MREG: variants seen among roughly 807,000 people sequenced by gnomAD.
MREG encodes the protein dilute suppressor protein homolog.
A neutral mutation model predicts 28.5 loss-of-function variants in MREG; 31 were observed. The observed-to-expected ratio is 1.09, with a 90% CI of 0.82 to 1.47. The LOEUF (loss-of-function observed/expected upper bound fraction) is 1.47. Ranked by LOEUF, MREG falls within the 40% of genes most tolerant of loss-of-function variation. The pLI is 0.00. For missense variants in MREG, 256 were observed against 257.4 expected (o/e 0.99, Z 0.04); for synonymous variants, 106 against 95.2 (o/e 1.11, Z -0.66).
At chr2:215,954,721 GAGA>G (rs980895657) in intron 2 of MREG, among the ~76,000 whole-genome samples, 2 of 147,910 alleles carry the variant, frequency 1.4e-5, no homozygotes, top group African/African-American at 2.5e-5. Context: ...TTTTTTTTTA[GAGA>G]AGGAGTTTCA....
intron 2 of MREG, among the ~76,000 whole-genome samples, chr2:215,973,284 T>G (rs1398287049): frequency 6.6e-6 from 1 of 152,202 alleles, no homozygotes; most frequent in Non-Finnish European, 1.5e-5. Flanking sequence ...AGCAAAGAGA[T>G]AACGGCTCAA....
chr2:216,024,793 G>T (rs1306461838), intron 1 of MREG, among the ~76,000 whole-genome samples: 1 of 150,974 alleles, frequency 6.6e-6, no homozygotes, highest in Non-Finnish European at 1.5e-5. Context: ...CGAGGCAGAA[G>T]AATTGCTTGA....
intron 2 of MREG, among the ~76,000 whole-genome samples, chr2:215,954,078 C>A (rs1692553765): frequency 6.6e-6 from 1 of 152,102 alleles, no homozygotes; most frequent in African/African-American, 2.4e-5. Context: ...ATGGTGCCTC[C>A]CCTGAATTCT....
intron 2 of MREG, among the ~76,000 whole-genome samples, chr2:215,962,352 G>C (rs926018296): frequency 6.6e-6 from 1 of 152,134 alleles, no homozygotes; most frequent in African/African-American, 2.4e-5. Context: ...TACAGTTTAG[G>C]GTTAAAAGAG....
intron 2 of MREG, among the ~76,000 whole-genome samples, chr2:215,967,945 C>G (rs142075652): frequency 8.5e-5 from 13 of 152,288 alleles, no homozygotes; most frequent in African/African-American, 2.4e-4. Flanking sequence ...GCATCTTCCT[C>G]AAAGGGCATG....
chr2:215,994,859 A>G (rs981642039), intron 2 of MREG, among the ~76,000 whole-genome samples: 2 of 152,080 alleles, frequency 1.3e-5, no homozygotes, highest in African/African-American at 4.8e-5. Context: ...CCCCTTTCAC[A>G]TTTGCATGGG....
At chr2:216,007,995 A>G (rs1290935007) in intron 1 of MREG, among the ~76,000 whole-genome samples, 2 of 152,122 alleles carry the variant, frequency 1.3e-5, no homozygotes, top group Non-Finnish European at 2.9e-5. Flanking sequence ...GGCTCACAGG[A>G]ACCTAACTCT....
chr2:216,019,507 CTTT>C (rs373116320), intron 1 of MREG, among the ~76,000 whole-genome samples: 2 of 141,172 alleles, frequency 1.4e-5, no homozygotes, highest in Non-Finnish European at 1.6e-5. Flanking sequence ...ATTTTCAAAC[CTTT>C]TTTTTTTTTT....
intron 1 of MREG, among the ~76,000 whole-genome samples, chr2:215,999,417 G>A (rs1693953604): frequency 6.6e-6 from 1 of 152,116 alleles, no homozygotes; most frequent in South Asian, 2.1e-4. Context: ...CTGGTGTCAG[G>A]GGGCCTTGGG....
chr2:216,031,447 G>A (rs142464940), intron 1 of MREG, among the ~76,000 whole-genome samples: 2,990 of 94,120 alleles, frequency 0.032, 128 homozygotes, highest in African/African-American at 0.11. Flanking sequence ...GAAAGAAAAA[G>A]AAAGAAAGAG....
At chr2:215,983,818 A>G (rs1363182756) in intron 2 of MREG, among the ~76,000 whole-genome samples, 2 of 152,232 alleles carry the variant, frequency 1.3e-5, no homozygotes, top group African/African-American at 2.4e-5. Flanking sequence ...GCAGGCAGAC[A>G]CATGTCATGA....
chr2:216,000,752 A>C (rs1693995444), intron 1 of MREG, among the ~76,000 whole-genome samples: 1 of 152,216 alleles, frequency 6.6e-6, no homozygotes, highest in South Asian at 2.1e-4. Flanking sequence ...CTGTGATCCC[A>C]ATCTGCTGAA....
At chr2:215,981,511 A>T (rs181411837) in intron 2 of MREG, among the ~76,000 whole-genome samples, 1 of 152,222 alleles carries the variant, frequency 6.6e-6, no homozygotes, top group African/African-American at 2.4e-5. Context: ...GTTATTGTCT[A>T]GTGGGCACAG....
chr2:215,971,279 A>T (rs1693088433), intron 2 of MREG, among the ~76,000 whole-genome samples: 1 of 152,208 alleles, frequency 6.6e-6, no homozygotes, highest in Non-Finnish European at 1.5e-5. Flanking sequence ...CACATTCTGC[A>T]CATGCATCCC....
chr2:216,023,267 G>C (rs1694551912), intron 1 of MREG, among the ~76,000 whole-genome samples: 1 of 152,204 alleles, frequency 6.6e-6, no homozygotes, highest in Non-Finnish European at 1.5e-5. Flanking sequence ...ATTCACTGCA[G>C]TCTCTTTGGA....
At chr2:215,981,300 C>T (rs909917225) in intron 2 of MREG, among the ~76,000 whole-genome samples, 1 of 152,154 alleles carries the variant, frequency 6.6e-6, no homozygotes, top group Non-Finnish European at 1.5e-5. Context: ...GTGGCATATA[C>T]ACACTATGGA....
intron 1 of MREG, among the ~76,000 whole-genome samples, chr2:216,012,442 A>T (rs1224573796): frequency 6.6e-6 from 1 of 152,228 alleles, no homozygotes. Context: ...CCCTGGCTTT[A>T]GTATTTGCTT....
At chr2:215,971,872 A>G (rs1693108946) in intron 2 of MREG, among the ~76,000 whole-genome samples, 1 of 152,198 alleles carries the variant, frequency 6.6e-6, no homozygotes, top group Non-Finnish European at 1.5e-5. Flanking sequence ...TTTCAACATC[A>G]ACCAAGGATC....
In MREG at chr2:215,959,127, T is replaced by G. The variant is rs114962818; in HGVS notation, c.256-12014A>C. ...TCTTCCTTTGCAGTCCTTTCCTAAG[T>G]CTCTGTCTTAGGTCTTTTTCTCACC... On this transcript the variant is annotated intron_variant, in intron 2 of 4. Transcript: ENST00000263268. Among the ~76,000 whole-genome samples, 845 of 152,232 alleles carry G rather than the reference T, an allele frequency of 5.6e-3. 10 individuals carry two copies. The highest frequency in any genetic ancestry group is 0.019 in the African/African-American group (792 of 41,554).
Sources: gnomAD v4.1 joint callset for allele counts (sites outside exome capture counted in the v4.1 genomes callset) on GRCh38, gnomAD v4.1.1 for gene constraint, MANE v1.5 for transcripts, NCBI Gene and HGNC (gene_info 2026-07-23, HGNC 2026-07-21) for gene names.